YEATS2: variants seen among roughly 807,000 people sequenced by gnomAD.
YEATS2 encodes YEATS domain containing 2, also known as YEATS domain-containing protein 2.
Under a neutral mutation model 163.2 loss-of-function variants are expected in YEATS2, and 77 were observed. That is an observed-to-expected ratio of 0.47 (90% CI 0.39 to 0.57). The LOEUF is 0.57. Among genes scored for constraint, YEATS2 ranks in the 20% least tolerant of loss-of-function variants. The pLI, the probability that YEATS2 is intolerant of heterozygous loss-of-function variation, is 0.00. For missense variants in YEATS2, 1,549 were observed against 1,729.8 expected (o/e 0.90, Z 1.85); for synonymous variants, 631 against 645.1 (o/e 0.98, Z 0.33).
Position 183,756,683 on chromosome 3 carries a change from A to G in YEATS2, c.1546A>G (p.Ser516Gly). Reference sequence around the variant, plus strand: ...GCAGGTGATTGGAGCCACCACTCCCAGTACAGGTGTGTATTAGATCCATAT... The same window carrying G: ...GCAGGTGATTGGAGCCACCACTCCCGGTACAGGTGTGTATTAGATCCATAT... The part of the protein sequence containing the change: ...PGQVIGATTP[S>G]TGSPTNKIST... The change falls in exon 12 of 31, where the codon AGT becomes GGT. Residue 516 changes from serine to glycine, a missense_variant. Coordinates refer to ENST00000305135, the MANE Select transcript of YEATS2 (RefSeq NM_018023.5). 6.4e-7 allele frequency: 1 copy of G among 1,567,528 alleles called. No homozygotes were observed. The highest frequency in any genetic ancestry group is 8.6e-7 in the Non-Finnish European group (1 of 1,157,496).
rs1009730299 is a variant in YEATS2, at chr3:183,704,302, T to G, written c.-20+6309T>G. The stretch of plus-strand genomic sequence containing the variant: ...TGTTGCTGGCAATAAAACTTTCCAG[T>G]TATGATGCATTATGCTTTTAATACC... On this transcript the variant is annotated intron_variant, in intron 1 of 30. Transcript: ENST00000305135. Among the ~76,000 whole-genome samples, 9 of 152,220 alleles carry G rather than the reference T, an allele frequency of 5.9e-5. No individual in the cohort carries two copies. The South Asian group carries it at 1.2e-3, about 21-fold the overall frequency.
chr3:183,719,145 A>AT (rs1226889865), intron 4 of YEATS2, among the ~76,000 whole-genome samples: 3 of 148,606 alleles, frequency 2.0e-5, no homozygotes, highest in Non-Finnish European at 4.5e-5. Flanking sequence ...CCTAAGTAAT[A>AT]TTTTTTCCTT....
intron 21 of YEATS2, among the ~76,000 whole-genome samples, chr3:183,797,332 C>T (rs1466483337): frequency 6.7e-6 from 1 of 149,682 alleles, no homozygotes; most frequent in African/African-American, 2.5e-5. Context: ...CGCTCGAGGC[C>T]AGGAGTTTCA....
At chr3:183,764,788 CAA>C (rs374782757) in intron 15 of YEATS2, among the ~76,000 whole-genome samples, 16 of 152,208 alleles carry the variant, frequency 1.1e-4, no homozygotes, top group African/African-American at 3.6e-4. Context: ...GCCTGGGCAA[CAA>C]GAGCAAAACT....
intron 21 of YEATS2, chr3:183,793,090 C>T (rs1312025351): frequency 8.0e-7 from 1 of 1,246,028 alleles, no homozygotes; most frequent in Non-Finnish European, 1.1e-6. Context: ...GTTAAAGTTT[C>T]TAAATACTGT....
At position 183,810,638 on chromosome 3, in the gene YEATS2, TGAGG is replaced by T. The variant is rs1726717594; in HGVS notation, c.*56_*59del. The T allele has an allele frequency of 6.6e-7, 1 of 1,524,472 alleles. No homozygotes were observed. Among genetic ancestry groups the T allele is most frequent in the Non-Finnish European group, 9.1e-7 (1 of 1,103,584 alleles). 94.4% of individuals were successfully genotyped at this position (1,524,472 alleles called of 1,614,324 possible). A position where few individuals can be genotyped will look rare whatever the true frequency, so the allele number is the denominator to read the frequency against. ...TTTGAAGGCACAGCGAAGCTGTAAC[TGAGG>T]ACCCTGCTGCTCGGGAAGGAGGTGG... On this transcript the variant is annotated 3_prime_UTR_variant, in exon 31 of 31. Transcript: ENST00000305135.
intron 17 of YEATS2, among the ~76,000 whole-genome samples, chr3:183,775,548 T>C (rs1722899629): frequency 6.6e-6 from 1 of 152,172 alleles, no homozygotes; most frequent in Non-Finnish European, 1.5e-5. Context: ...TGAGCCAAGA[T>C]CTTGCCATTG....
chr3:183,713,141 A>G (rs1056234304), intron 1 of YEATS2, among the ~76,000 whole-genome samples: 24 of 152,364 alleles, frequency 1.6e-4, no homozygotes, highest in African/African-American at 5.5e-4. Context: ...ACTTGGTAAA[A>G]ATATAACGTA....
At chr3:183,785,194 AC>A (rs1359495102) in intron 19 of YEATS2, among the ~76,000 whole-genome samples, 1 of 151,796 alleles carries the variant, frequency 6.6e-6, no homozygotes, top group African/African-American at 2.4e-5. Context: ...TTTTAAATTA[AC>A]CAGGTGTTTG....
chr3:183,806,431 C>G (rs762261494), intron 27 of YEATS2: 4 of 456,758 alleles, frequency 8.8e-6, no homozygotes, highest in Non-Finnish European at 1.3e-5. Flanking sequence ...TTATTAGAGA[C>G]TGGACCCATA....
intron 11 of YEATS2, among the ~76,000 whole-genome samples, chr3:183,756,076 TC>T (rs1488991868): frequency 6.6e-6 from 1 of 152,122 alleles, no homozygotes; most frequent in Non-Finnish European, 1.5e-5. Flanking sequence ...TTTAGTGTCT[TC>T]GAGTATAACC....
chr3:183,751,469 C>G (rs1316292947), intron 9 of YEATS2, among the ~76,000 whole-genome samples: 2 of 152,312 alleles, frequency 1.3e-5, no homozygotes, highest in African/African-American at 2.4e-5. Context: ...CTTACTCTGT[C>G]TAGAGAAATC....
rs371101912 is a variant in YEATS2, at chr3:183,721,940, A to G, written c.341A>G (p.Lys114Arg). The change falls in exon 5 of 31, where the codon AAA becomes AGA. Residue 114 changes from lysine (K) to arginine (R), a missense_variant. Physicochemically the swap from Lys to Arg is conservative, Grantham distance 26. Transcript: ENST00000305135. ...TMVFNHPAIKKFLESPSRSSS... is the reference protein window; with the variant it reads ...TMVFNHPAIKRFLESPSRSSS... ...GTTTTTAATCATCCTGCTATCAAGA[A>G]ATTTTTGGAATCACCATCTAGGTCA... 37 of 1,614,072 alleles carry G rather than the reference A, an allele frequency of 2.3e-5. No individual in the cohort carries two copies. The African/African-American group carries it at 4.9e-4, about 22-fold the overall frequency.
intron 27 of YEATS2, among the ~76,000 whole-genome samples, chr3:183,805,257 C>T (rs1012835929): frequency 4.6e-5 from 7 of 151,486 alleles, no homozygotes; most frequent in Admixed American, 3.3e-4. Context: ...AAAAATTACC[C>T]GGGTGTGGTA....
chr3:183,697,951 C>T lies in YEATS2; in HGVS notation c.-62C>T, dbSNP rs1007088690. 269 of 151,984 alleles carry T rather than the reference C, an allele frequency of 1.8e-3. 2 individuals carry two copies. The highest frequency in any genetic ancestry group is 2.1e-3 in the South Asian group (10 of 4,832). The allele number at this position is 151,984 out of a possible 1,614,324, so 9.4% of individuals were successfully genotyped here. A position where few individuals can be genotyped will look rare whatever the true frequency, so the allele number is the denominator to read the frequency against. On this transcript the variant is annotated 5_prime_UTR_variant, in exon 1 of 31. Coordinates refer to ENST00000305135, the MANE Select transcript of YEATS2 (RefSeq NM_018023.5). Reference sequence around the variant, plus strand: ...CTCACCTCGCCGTGCTCTCTCGCGGCGGCCGGCGGGGCCCGCGCTGCAGCC... The same window carrying T: ...CTCACCTCGCCGTGCTCTCTCGCGGTGGCCGGCGGGGCCCGCGCTGCAGCC...
At chr3:183,806,762 C>G in intron 27 of YEATS2, 104 bp from the exon 28 acceptor site, 3 of 1,169,658 alleles carry the variant, frequency 2.6e-6, no homozygotes. Flanking sequence ...AGGTCAGCTC[C>G]CCTGATGCTT....
intron 21 of YEATS2, among the ~76,000 whole-genome samples, chr3:183,792,018 C>G (rs1724701911): frequency 6.6e-6 from 1 of 152,072 alleles, no homozygotes; most frequent in African/African-American, 2.4e-5. Flanking sequence ...GTGTAGTGGC[C>G]ATTATATAAA....
chr3:183,764,631 C>T (rs1308131501), intron 15 of YEATS2, among the ~76,000 whole-genome samples: 1 of 151,900 alleles, frequency 6.6e-6, no homozygotes, highest in African/African-American at 2.4e-5. Flanking sequence ...CATAGTGAAA[C>T]CCCGTCTATA....
At chr3:183,709,103 T>C (rs555511069) in intron 1 of YEATS2, among the ~76,000 whole-genome samples, 22 of 151,104 alleles carry the variant, frequency 1.5e-4, no homozygotes, top group African/African-American at 3.9e-4. Flanking sequence ...GAGGTTGCAG[T>C]GAGCCAAGAT....
Sources: allele counts gnomAD v4.1 joint callset (sites outside exome capture counted in the v4.1 genomes callset), GRCh38; gene constraint gnomAD v4.1.1; transcripts MANE v1.5; gene names NCBI Gene and HGNC (gene_info 2026-07-23, HGNC 2026-07-21).